The following SH3PXD2A variants were observed in gnomAD, a reference collection of about 807,000 sequenced individuals.
The protein encoded by SH3PXD2A is SH3 and PX domains 2A, also known as SH3 and PX domain-containing protein 2A.
SH3PXD2A carries 32 observed loss-of-function variants against 115.2 expected under a neutral mutation model. That is an observed-to-expected ratio of 0.28 (90% CI 0.21 to 0.37). The LOEUF is 0.37. Ranked by LOEUF, SH3PXD2A falls within the 10% of genes least tolerant of loss-of-function variation. The pLI is 1.00. For missense variants in SH3PXD2A, 1,328 were observed against 1,498.7 expected (o/e 0.89, Z 1.88); for synonymous variants, 610 against 629.1 (o/e 0.97, Z 0.45).
rs1013049944 is a variant in SH3PXD2A at position 103,785,209 on chromosome 10, C to G, written c.153+16073G>C. ...GGGGGCCAGCCTGTCCCTGCAAGAGCCACTCCCTTTCCTGGGCACCTGCCC... is the reference window on the plus strand; with the variant it reads ...GGGGGCCAGCCTGTCCCTGCAAGAGGCACTCCCTTTCCTGGGCACCTGCCC... On this transcript the variant is annotated intron_variant, in intron 2 of 14. Coordinates refer to ENST00000369774, the MANE Select transcript of SH3PXD2A (RefSeq NM_001394015.1). Among the ~76,000 whole-genome samples the G allele has an allele frequency of 3.9e-5, 6 of 152,362 alleles. No individual in the cohort carries two copies. The South Asian group carries it at 6.2e-4, about 16-fold the overall frequency.
chr10:103,850,708 G>T (rs1842888782), intron 1 of SH3PXD2A, among the ~76,000 whole-genome samples: 1 of 152,204 alleles, frequency 6.6e-6, no homozygotes, highest in East Asian at 1.9e-4. Flanking sequence ...TGGAGGCTGG[G>T]TGTTTTCCAT....
intron 4 of SH3PXD2A, among the ~76,000 whole-genome samples, chr10:103,734,046 A>G (rs1042839784): frequency 6.6e-6 from 1 of 151,940 alleles, no homozygotes; most frequent in Non-Finnish European, 1.5e-5. Context: ...CATTCTCCCT[A>G]CTCAGCTCCC....
chr10:103,701,964 C>T (rs1592309157), intron 5 of SH3PXD2A, among the ~76,000 whole-genome samples: 1 of 151,048 alleles, frequency 6.6e-6, no homozygotes, highest in South Asian at 2.1e-4. Context: ...CATCTATCTA[C>T]CATCCATCCA....
At chr10:103,771,264 T>A (rs2038816189) in intron 2 of SH3PXD2A, among the ~76,000 whole-genome samples, 1 of 152,224 alleles carries the variant, frequency 6.6e-6, no homozygotes, top group Non-Finnish European at 1.5e-5. Flanking sequence ...AGCTCTGACA[T>A]GCATATGTTC....
At chr10:103,848,730 A>G (rs1372555377) in intron 1 of SH3PXD2A, among the ~76,000 whole-genome samples, 3 of 152,096 alleles carry the variant, frequency 2.0e-5, no homozygotes, top group Admixed American at 2.0e-4. Context: ...CTCAAGGTCC[A>G]TCATGAAGCT....
chr10:103,726,000 C>T (rs1029344294), intron 4 of SH3PXD2A, among the ~76,000 whole-genome samples: 1 of 152,106 alleles, frequency 6.6e-6, no homozygotes, highest in African/African-American at 2.4e-5. Flanking sequence ...GGGTGTAGCC[C>T]CGTTTTCTGG....
intron 2 of SH3PXD2A, among the ~76,000 whole-genome samples, chr10:103,769,640 C>T: frequency 6.6e-6 from 1 of 152,010 alleles, no homozygotes; most frequent in East Asian, 1.9e-4. Flanking sequence ...CCATGTTGGC[C>T]AGACTGGTCT....
rs1416573115 is a variant in SH3PXD2A at position 103,598,296 on chromosome 10, C to G, written c.*3520G>C. ...TGCTCAGGGTTGCCCCTTTCCAGCT[C>G]TCTCTCACTGCCCCCAAAGTCCCAT... is the stretch of plus-strand genomic sequence containing the variant. On this transcript the variant is annotated 3_prime_UTR_variant, in exon 15 of 15. Coordinates refer to ENST00000369774, the MANE Select transcript of SH3PXD2A (RefSeq NM_001394015.1). The G allele has an allele frequency of 6.6e-6, 1 of 152,550 alleles. No homozygotes were observed. The highest frequency in any genetic ancestry group is 1.5e-5 in the Non-Finnish European group (1 of 68,052). 9.4% of individuals were successfully genotyped at this position (152,550 alleles called of 1,614,324 possible).
chr10:103,769,328 G>A (rs1053438263), intron 2 of SH3PXD2A, among the ~76,000 whole-genome samples: 7 of 152,026 alleles, frequency 4.6e-5, no homozygotes, highest in Non-Finnish European at 4.4e-5. Flanking sequence ...GCAGGTCACC[G>A]GTGATTACAT....
At chr10:103,633,835 G>A (rs1199346682) in intron 8 of SH3PXD2A, among the ~76,000 whole-genome samples, 1 of 151,870 alleles carries the variant, frequency 6.6e-6, no homozygotes, top group Non-Finnish European at 1.5e-5. Context: ...ATATCTTAGG[G>A]TGAGGAGCTC....
At chr10:103,832,345 T>C (rs2039490106) in intron 1 of SH3PXD2A, among the ~76,000 whole-genome samples, 1 of 141,678 alleles carries the variant, frequency 7.1e-6, no homozygotes, top group African/African-American at 2.6e-5. Flanking sequence ...ATCTAAGGTA[T>C]ACACTTAGAA....
At chr10:103,741,609 T>G (rs927871953) in intron 3 of SH3PXD2A, among the ~76,000 whole-genome samples, 1 of 152,162 alleles carries the variant, frequency 6.6e-6, no homozygotes, top group Non-Finnish European at 1.5e-5. Context: ...GGGATACAGA[T>G]GCTCACAAAC....
intron 5 of SH3PXD2A, among the ~76,000 whole-genome samples, chr10:103,708,833 G>A (rs565733181): frequency 3.9e-5 from 6 of 152,058 alleles, no homozygotes; most frequent in African/African-American, 9.7e-5. Context: ...ACCTAGCACC[G>A]TGCCCAGCAC....
In SH3PXD2A at chr10:103,665,364, C is replaced by T. The variant is rs1203532205; in HGVS notation, c.472+3244G>A. ...CAGAGTTAAATCCACACCCCCACAC[C>T]CCTTCCCCCCACCACTTTCCTGGAA... On this transcript the variant is annotated intron_variant, in intron 7 of 14. Coordinates refer to ENST00000369774, the MANE Select transcript of SH3PXD2A (RefSeq NM_001394015.1). This position sits in a 1 kb window ranked among gnomAD's most constrained non-coding sequence, Gnocchi z 4.0. 2.0e-5 allele frequency among the ~76,000 whole-genome samples: 3 copies of T among 152,120 alleles called. No individual in the cohort carries two copies. Among genetic ancestry groups the T allele is most frequent in the Non-Finnish European group, 4.4e-5 (3 of 68,002 alleles).
chr10:103,790,918 G>T (rs1307993309), intron 2 of SH3PXD2A, among the ~76,000 whole-genome samples: 1 of 152,192 alleles, frequency 6.6e-6, no homozygotes, highest in Non-Finnish European at 1.5e-5. Context: ...TTTCCCAGCG[G>T]ACATCGTTAA....
At position 103,597,751 on chromosome 10, in the gene SH3PXD2A, T is replaced by C. The variant is rs1367782684; in HGVS notation, c.*4065A>G. 6 of 152,696 alleles carry C rather than the reference T, an allele frequency of 3.9e-5. No individual in the cohort carries two copies. Among genetic ancestry groups the C allele is most frequent in the East Asian group, 1.9e-4 (1 of 5,202 alleles). 9.5% of individuals were successfully genotyped at this position (152,696 alleles called of 1,614,324 possible). ...AGCCCTGGCATCCATCTTGGTAATATTGCACTTTTCCTGTCTCTCAGATTG... is the reference window on the plus strand; with the variant it reads ...AGCCCTGGCATCCATCTTGGTAATACTGCACTTTTCCTGTCTCTCAGATTG... On this transcript the variant is annotated 3_prime_UTR_variant, in exon 15 of 15. Coordinates refer to ENST00000369774, the MANE Select transcript of SH3PXD2A (RefSeq NM_001394015.1).
At chr10:103,819,622 G>A (rs1162686740) in intron 1 of SH3PXD2A, among the ~76,000 whole-genome samples, 1 of 152,168 alleles carries the variant, frequency 6.6e-6, no homozygotes, top group East Asian at 1.9e-4. Context: ...CAGCTGAAGT[G>A]TTTCTTCGGT....
In SH3PXD2A at chr10:103,693,074, A is replaced by G. The variant is rs774225233; in HGVS notation, c.399-18T>C. 17 of 1,610,560 alleles carry G rather than the reference A, an allele frequency of 1.1e-5. No individual in the cohort carries two copies. The highest frequency in any genetic ancestry group is 1.4e-5 in the Non-Finnish European group (16 of 1,177,456). ...CATAGTCCCTGAAAAAGAAGCAACA[A>G]CAGATAGACATGGTTAGGGCCGGGC... On this transcript the variant is annotated intron_variant, in intron 5 of 14. Coordinates refer to ENST00000369774, the MANE Select transcript of SH3PXD2A (RefSeq NM_001394015.1).
intron 8 of SH3PXD2A, among the ~76,000 whole-genome samples, chr10:103,646,011 C>T (rs1309963462): frequency 6.6e-6 from 1 of 152,216 alleles, no homozygotes; most frequent in Non-Finnish European, 1.5e-5. Flanking sequence ...CCATACTTTA[C>T]AGGGCAGTGG....
Sources: allele counts gnomAD v4.1 joint callset (sites outside exome capture counted in the v4.1 genomes callset), GRCh38; gene constraint gnomAD v4.1.1; non-coding constraint Gnocchi (gnomAD v3.1); transcripts MANE v1.5; gene names NCBI Gene and HGNC (gene_info 2026-07-23, HGNC 2026-07-21).